SMURF2: variants seen among roughly 807,000 people sequenced by gnomAD.
SMURF2 encodes SMAD specific E3 ubiquitin protein ligase 2, also known as E3 ubiquitin-protein ligase SMURF2.
SMURF2 carries 48 observed loss-of-function variants against 109.6 expected under a neutral mutation model. That is an observed-to-expected ratio of 0.44 (90% CI 0.35 to 0.56). The LOEUF (loss-of-function observed/expected upper bound fraction) is 0.56, where lower values mean the gene tolerates loss of function less well. Ranked by LOEUF, SMURF2 falls within the 20% of genes least tolerant of loss-of-function variation. The pLI, the probability that SMURF2 is intolerant of heterozygous loss-of-function variation, is 0.01. For missense variants in SMURF2, 575 were observed against 909.0 expected, an observed-to-expected ratio of 0.63 and a Z score of 4.72; for synonymous variants, 288 against 317.1, an observed-to-expected ratio of 0.91 and a Z score of 0.97.
At chr17:64,604,579 T>C (rs1555688865) in intron 2 of SMURF2, among the ~76,000 whole-genome samples, 1 of 152,122 alleles carries the variant, frequency 6.6e-6, no homozygotes, top group Non-Finnish European at 1.5e-5. Context: ...AAAGGAAAGC[T>C]GGGAGACAAA....
chr17:64,635,811 T>C (rs1447412144), intron 1 of SMURF2, among the ~76,000 whole-genome samples: 2 of 152,192 alleles, frequency 1.3e-5, no homozygotes, highest in African/African-American at 2.4e-5. Context: ...TGAACATATG[T>C]TTTCAGTTCT....
At chr17:64,645,547 A>G (rs1199466073) in intron 1 of SMURF2, among the ~76,000 whole-genome samples, 1 of 152,226 alleles carries the variant, frequency 6.6e-6, no homozygotes, top group Non-Finnish European at 1.5e-5. Context: ...TGGGCAACAC[A>G]GTGAGAACTT....
intron 12 of SMURF2, among the ~76,000 whole-genome samples, chr17:64,559,152 T>C (rs1256416278): frequency 1.3e-5 from 2 of 152,184 alleles, no homozygotes; most frequent in Non-Finnish European, 2.9e-5. Flanking sequence ...AAAATCCAAA[T>C]TTTTGTTTTG....
chr17:64,546,059 G>A, intron 18 of SMURF2, 112 bp from the exon 19 acceptor site: 6 of 865,986 alleles, frequency 6.9e-6, no homozygotes, highest in East Asian at 2.6e-5. Context: ...AAACTAAAAG[G>A]TATTTCTCTA....
At chr17:64,588,072 T>C (rs1287549460) in intron 5 of SMURF2, among the ~76,000 whole-genome samples, 2 of 114,324 alleles carry the variant, frequency 1.7e-5, no homozygotes, top group South Asian at 2.7e-4. Context: ...AACAATGCTA[T>C]AGAAATGTGT....
intron 1 of SMURF2, among the ~76,000 whole-genome samples, chr17:64,620,025 T>A (rs1970181414): frequency 6.6e-6 from 1 of 152,194 alleles, no homozygotes; most frequent in African/African-American, 2.4e-5. Context: ...ATGGAATTCA[T>A]CAGCTTCCCT....
At position 64,583,485 on chromosome 17, in the gene SMURF2, G is replaced by C. The variant is rs1555686766; in HGVS notation, c.545C>G (p.Thr182Ser). 10 of 1,613,846 alleles carry C rather than the reference G, an allele frequency of 6.2e-6. No homozygotes were observed. Among genetic ancestry groups the C allele is most frequent in the African/African-American group, 1.3e-5 (1 of 74,894 alleles). Residue 182 changes from threonine to serine, a missense_variant, in exon 7 of 19, where the codon ACT (threonine) becomes AGT (serine). This residue lies in a region of SMURF2 where 151 missense variants were observed against 178.4 expected (regional missense o/e 0.85). Coordinates refer to ENST00000262435, the MANE Select transcript of SMURF2 (RefSeq NM_022739.4). ...RIQYLNHITR[T>S]TQWERPTRPA... ...CCGTGTTGGGCGCTCCCATTGCGTA[G>C]TTCTTGTTATATGGTTTAGATACTG...
rs1555685582 is a variant in SMURF2 at position 64,571,781 on chromosome 17, T to C, written c.1016+17A>G. 3 of 1,600,028 alleles carry C rather than the reference T, an allele frequency of 1.9e-6. No individual in the cohort carries two copies. The highest frequency in any genetic ancestry group is 2.2e-5 in the East Asian group (1 of 44,572). Reference sequence around the variant, plus strand: ...TGTTTAACTCCCATTTTAACATGTATTGTTTCAAAAACTTACTTTAAAACT... The same window carrying C: ...TGTTTAACTCCCATTTTAACATGTACTGTTTCAAAAACTTACTTTAAAACT... On this transcript the variant is annotated intron_variant, in intron 10 of 18. Transcript: ENST00000262435.
intron 3 of SMURF2, among the ~76,000 whole-genome samples, chr17:64,596,226 T>C (rs1276143133): frequency 6.6e-6 from 1 of 152,040 alleles, no homozygotes. Context: ...TCTCGTTATG[T>C]TGTAGCTGGA....
chr17:64,645,297 A>G (rs1555692907), intron 1 of SMURF2, among the ~76,000 whole-genome samples: 1 of 152,268 alleles, frequency 6.6e-6, no homozygotes, highest in African/African-American at 2.4e-5. Flanking sequence ...GGAAGAAAAG[A>G]GAAAGCTATA....
chr17:64,649,143 GCT>G (rs1472583242), intron 1 of SMURF2, among the ~76,000 whole-genome samples: 2 of 152,116 alleles, frequency 1.3e-5, no homozygotes, highest in African/African-American at 4.8e-5. Context: ...ACATAAGAAA[GCT>G]CACACTAAAG....
At chr17:64,590,602 A>G (rs1223327304) in intron 5 of SMURF2, among the ~76,000 whole-genome samples, 32 of 152,162 alleles carry the variant, frequency 2.1e-4, no homozygotes, top group African/African-American at 7.7e-4. Flanking sequence ...AATACCATAT[A>G]AGGCTACTAA....
rs1970341611 is a variant in SMURF2 at position 64,631,284 on chromosome 17, GAGAGA to G, written c.53-24649_53-24645del. ...TGGGGGGGAGAGAGGGGGGGGGGGAGAGAGAGAGAGAGAGAGAGAGAGAGAGAGAG... is the reference window on the plus strand; with the variant it reads ...TGGGGGGGAGAGAGGGGGGGGGGGAGGAGAGAGAGAGAGAGAGAGAGAGAG... On this transcript the variant is annotated intron_variant, in intron 1 of 18. Coordinates refer to ENST00000262435, the MANE Select transcript of SMURF2 (RefSeq NM_022739.4). Among the ~76,000 whole-genome samples, 8 of 24,382 alleles carry G rather than the reference GAGAGA, an allele frequency of 3.3e-4. 1 individual carries two copies. Among genetic ancestry groups the G allele is most frequent in the African/African-American group, 1.3e-3 (6 of 4,758 alleles). The allele number at this position is 24,382 out of a possible 152,430, so 16.0% of individuals were successfully genotyped here.
At chr17:64,563,609 AGT>A (rs1969257980) in intron 10 of SMURF2, among the ~76,000 whole-genome samples, 1 of 152,206 alleles carries the variant, frequency 6.6e-6, no homozygotes, top group Non-Finnish European at 1.5e-5. Flanking sequence ...AGATACAAAA[AGT>A]AACTCAAAAT....
chr17:64,629,424 AG>A (rs1484212820), intron 1 of SMURF2, among the ~76,000 whole-genome samples: 4 of 152,114 alleles, frequency 2.6e-5, no homozygotes, highest in African/African-American at 7.2e-5. Context: ...GGATAGCCTG[AG>A]CCCAGAAGTT....
intron 8 of SMURF2, among the ~76,000 whole-genome samples, chr17:64,580,414 A>C (rs1187177375): frequency 1.3e-5 from 2 of 152,216 alleles, no homozygotes; most frequent in Admixed American, 1.3e-4. Flanking sequence ...TGTCTAAAAA[A>C]TTATGTCATA....
At chr17:64,636,958 AC>A (rs1173726071) in intron 1 of SMURF2, among the ~76,000 whole-genome samples, 2 of 151,878 alleles carry the variant, frequency 1.3e-5, no homozygotes, top group Non-Finnish European at 2.9e-5. Context: ...AGTGGCTAAT[AC>A]CTGTAATCCT....
At chr17:64,633,639 T>C (rs1466570247) in intron 1 of SMURF2, among the ~76,000 whole-genome samples, 1 of 152,226 alleles carries the variant, frequency 6.6e-6, no homozygotes, top group Admixed American at 6.5e-5. Context: ...ACATGAATTA[T>C]CTTACAACTT....
chr17:64,595,077 A>T (rs1334725207), intron 3 of SMURF2, among the ~76,000 whole-genome samples: 1 of 152,168 alleles, frequency 6.6e-6, no homozygotes, highest in Non-Finnish European at 1.5e-5. Context: ...TATATTGATT[A>T]CCTCAGTCCT....
Sources: allele counts gnomAD v4.1 joint callset (sites outside exome capture counted in the v4.1 genomes callset), GRCh38; gene constraint gnomAD v4.1.1; regional missense constraint gnomAD v4.1.1; transcripts MANE v1.5; gene names NCBI Gene and HGNC (gene_info 2026-07-23, HGNC 2026-07-21).